FETUB: variants seen among roughly 807,000 people sequenced by gnomAD.
FETUB encodes fetuin B, also known as fetuin-B.
FETUB carries 28 observed loss-of-function variants against 30.9 expected under a neutral mutation model. That is an observed-to-expected ratio of 0.90 (90% CI 0.67 to 1.24). The LOEUF is 1.24. FETUB is among the 50% of genes most tolerant of loss of function. The pLI, the probability that FETUB is intolerant of heterozygous loss-of-function variation, is 0.00. For synonymous variants in FETUB, 186 were observed against 175.9 expected, an observed-to-expected ratio of 1.06 and a Z score of -0.45; for missense variants, 469 against 455.3, an observed-to-expected ratio of 1.03 and a Z score of -0.27.
rs760680484 is a variant in FETUB at position 186,642,490 on chromosome 3, C to T, written c.356C>T (p.Ala119Val). 5.0e-6 allele frequency: 8 copies of T among 1,605,094 alleles called. No homozygotes were observed. Among genetic ancestry groups the T allele is most frequent in the Non-Finnish European group, 6.8e-6 (8 of 1,172,616 alleles). The change falls in exon 3 of 7, where the codon GCA (alanine) becomes GTA (valine). Residue 119 changes from alanine to valine, a missense_variant. Transcript: ENST00000265029. ...FFESVYGQCK[A>V]IFYMNNPSRV... is the part of the protein sequence containing the mutation. ...TTTCAGGTTTATGGTCAATGCAAAGCAATATTTTATATGAACAACCCAAGT... is the reference window on the plus strand; with the variant it reads ...TTTCAGGTTTATGGTCAATGCAAAGTAATATTTTATATGAACAACCCAAGT...
chr3:186,640,747 G>A (rs1056303823), intron 1 of FETUB, 62 bp downstream of exon 1: 14 of 1,384,018 alleles, frequency 1.0e-5, no homozygotes, highest in African/African-American at 1.4e-5. Flanking sequence ...GACTGGCCAG[G>A]GTGAGGGAAC....
chr3:186,642,708 C>A (rs1717173852), intron 3 of FETUB, 150 bp downstream of exon 3: 1 of 642,726 alleles, frequency 1.6e-6, no homozygotes, highest in East Asian at 2.8e-5. Context: ...TACTTACCTC[C>A]TTACTGAAAT....
rs1718172504 is a variant in FETUB at position 186,652,734 on chromosome 3, G to A, written c.*103G>A. On this transcript the variant is annotated 3_prime_UTR_variant, in exon 7 of 7. Coordinates refer to ENST00000265029, the MANE Select transcript of FETUB (RefSeq NM_014375.3). ...AGCGTGCACACGTAGAGTGGCTAGT[G>A]AAGGACGCCTTTTTGACTCTTCTTG... 2 of 1,378,218 alleles carry A rather than the reference G, an allele frequency of 1.5e-6. No homozygotes were observed. The highest frequency in any genetic ancestry group is 1.9e-6 in the Non-Finnish European group (2 of 1,033,338). 85.4% of individuals were successfully genotyped at this position (1,378,218 alleles called of 1,614,324 possible). A position where few individuals can be genotyped will look rare whatever the true frequency, so the allele number is the denominator to read the frequency against.
chr3:186,642,583 A>T lies in FETUB; in HGVS notation c.424+25A>T, dbSNP rs181938596. 8,919 of 1,387,872 alleles carry T rather than the reference A, an allele frequency of 6.4e-3. 51 individuals are homozygous for T. The highest frequency in any genetic ancestry group is 8.4e-3 in the Non-Finnish European group (8,190 of 975,460). The allele number at this position is 1,387,872 out of a possible 1,614,324, so 86.0% of individuals were successfully genotyped here. On this transcript the variant is annotated intron_variant, in intron 3 of 6. Coordinates refer to ENST00000265029, the MANE Select transcript of FETUB (RefSeq NM_014375.3). ...GGTAAGAAATCACTACGATTTTGTT[A>T]GTTTTAATAAAGGATGGAAAAGAGT...
upstream of FETUB, among the ~76,000 whole-genome samples, chr3:186,637,043 G>A (rs1560017032): frequency 6.6e-6 from 1 of 152,166 alleles, no homozygotes; most frequent in Non-Finnish European, 1.5e-5. Context: ...ACCTCAGGCA[G>A]GCAATGTAAC....
At chr3:186,642,657 T>A (rs1222333909) in intron 3 of FETUB, 99 bp downstream of exon 3, 1 of 757,642 alleles carries the variant, frequency 1.3e-6, no homozygotes, top group Non-Finnish European at 2.3e-6. Context: ...CTCATTCTTA[T>A]TTTCTGTTTA....
intron 1 of FETUB, 55 bp downstream of exon 1, chr3:186,640,740 T>C: frequency 6.9e-7 from 1 of 1,451,906 alleles, no homozygotes. Flanking sequence ...CTGGAGAGAC[T>C]GGCCAGGGTG....
At chr3:186,644,005 A>G (rs1357711351) in intron 3 of FETUB, among the ~76,000 whole-genome samples, 1 of 152,214 alleles carries the variant, frequency 6.6e-6, no homozygotes, top group African/African-American at 2.4e-5. Flanking sequence ...TTTATTGATA[A>G]ATAATAGTTA....
chr3:186,645,445 A>G (rs1423629694), intron 4 of FETUB, among the ~76,000 whole-genome samples: 1 of 152,050 alleles, frequency 6.6e-6, no homozygotes, highest in African/African-American at 2.4e-5. Flanking sequence ...CTCCTACCTC[A>G]GCCTCTCAAG....
At chr3:186,636,007 G>T (rs1006627334), upstream of FETUB, 1 of 152,278 alleles carries the variant, frequency 6.6e-6, no homozygotes, top group Non-Finnish European at 1.5e-5. Context: ...GCCACTAGGA[G>T]AGGCATCAGT....
At chr3:186,638,358 C>A (rs996947616), upstream of FETUB, among the ~76,000 whole-genome samples, 2 of 152,136 alleles carry the variant, frequency 1.3e-5, no homozygotes, top group African/African-American at 4.8e-5. Context: ...ACTCTATTCT[C>A]TTTCTACAGG....
upstream of FETUB, among the ~76,000 whole-genome samples, chr3:186,639,514 G>A (rs1716883861): frequency 6.6e-6 from 1 of 152,138 alleles, no homozygotes; most frequent in African/African-American, 2.4e-5. Context: ...CTCTTCTAGA[G>A]GCTTCTTTCC....
chr3:186,649,728 C>T (rs1166991808), intron 5 of FETUB, among the ~76,000 whole-genome samples: 2 of 152,202 alleles, frequency 1.3e-5, no homozygotes, highest in Non-Finnish European at 2.9e-5. Flanking sequence ...GCCTCAGCCT[C>T]CAAAAGTGCT....
intron 4 of FETUB, among the ~76,000 whole-genome samples, chr3:186,645,925 C>T (rs1185751166): frequency 1.3e-5 from 2 of 151,336 alleles, no homozygotes; most frequent in African/African-American, 2.4e-5. Flanking sequence ...TGGGGTTTCA[C>T]TATGTTGGCC....
upstream of FETUB, among the ~76,000 whole-genome samples, chr3:186,637,120 G>A (rs772910133): frequency 2.0e-5 from 3 of 152,210 alleles, no homozygotes; most frequent in Admixed American, 6.5e-5. Flanking sequence ...GCCTCGGTTG[G>A]TCATGGGCTT....
chr3:186,646,697 T>C (rs924808925), intron 5 of FETUB, among the ~76,000 whole-genome samples: 3 of 152,206 alleles, frequency 2.0e-5, no homozygotes, highest in Non-Finnish European at 4.4e-5. Context: ...TAGGCCTTCA[T>C]TCAAAGAGGC....
chr3:186,646,591 A>T (rs558964017), intron 5 of FETUB, among the ~76,000 whole-genome samples: 3 of 152,238 alleles, frequency 2.0e-5, no homozygotes, highest in Non-Finnish European at 4.4e-5. Context: ...AGTGATGGGT[A>T]ATGGCCCTGC....
At chr3:186,647,226 A>G (rs979431670) in intron 5 of FETUB, 2 of 152,178 alleles carry the variant, frequency 1.3e-5, no homozygotes, top group Admixed American at 1.3e-4. Context: ...TTTATTGCAT[A>G]GATATTGTTT....
chr3:186,647,227 G>A (rs1447154039), intron 5 of FETUB: 1 of 152,070 alleles, frequency 6.6e-6, no homozygotes, highest in Non-Finnish European at 1.5e-5. Flanking sequence ...TTATTGCATA[G>A]ATATTGTTTA....
Sources: allele counts gnomAD v4.1 joint callset (sites outside exome capture counted in the v4.1 genomes callset), GRCh38; gene constraint gnomAD v4.1.1; transcripts MANE v1.5; gene names NCBI Gene and HGNC (gene_info 2026-07-23, HGNC 2026-07-21).